PIK3R6: variants seen among roughly 807,000 people sequenced by gnomAD.
PIK3R6 encodes the protein phosphoinositide 3-kinase regulatory subunit 6.
Under a neutral mutation model 84.9 loss-of-function variants are expected in PIK3R6, and 91 were observed. The observed-to-expected ratio is 1.07, with a 90% CI of 0.90 to 1.28. The LOEUF (loss-of-function observed/expected upper bound fraction) is 1.28. PIK3R6 is among the 50% of genes most tolerant of loss of function. The pLI, the probability that PIK3R6 is intolerant of heterozygous loss-of-function variation, is 0.00. For missense variants in PIK3R6, 996 were observed against 985.1 expected (o/e 1.01, Z -0.15); for synonymous variants, 416 against 411.4 (o/e 1.01, Z -0.13).
intron 1 of PIK3R6, among the ~76,000 whole-genome samples, chr17:8,850,423 G>T (rs2088924381): frequency 6.6e-6 from 1 of 152,146 alleles, no homozygotes; most frequent in Non-Finnish European, 1.5e-5. Context: ...AGCTTATGAG[G>T]CAGGTTCTAT....
chr17:8,857,001 TC>T (rs1169623559), intron 1 of PIK3R6, among the ~76,000 whole-genome samples: 1 of 71,790 alleles, frequency 1.4e-5, no homozygotes, highest in African/African-American at 9.2e-5. Flanking sequence ...CCCCCAGCTT[TC>T]CCCACAGCTG....
At position 8,828,645 on chromosome 17, in the gene PIK3R6, C is replaced by T. The variant is rs1389787292; in HGVS notation, c.1235G>A (p.Arg412Gln). The T allele has an allele frequency of 1.2e-6, 2 of 1,613,040 alleles. No homozygotes were observed. The highest frequency in any genetic ancestry group is 1.7e-6 in the Non-Finnish European group (2 of 1,179,646). ...CACAAGTACCCGGGCTGTGTGCAGC[C>T]GGGACACGCCGGGCAGCATTTCCCC... ...GDGEMLPGVSRLHTARVLVLG... is the reference protein window; with the variant it reads ...GDGEMLPGVSQLHTARVLVLG... The change falls in exon 11 of 20, where the codon CGG becomes CAG. Residue 412 changes from arginine (R) to glutamine (Q), a missense_variant. Coordinates refer to ENST00000619866, the MANE Select transcript of PIK3R6 (RefSeq NM_001010855.4).
rs1466258984 is a variant in PIK3R6 at position 8,839,695 on chromosome 17, C to T, written c.16G>A (p.Val6Met). Reference protein sequence around the residue: MESSDVELDLQRSVQA... With the variant: MESSDMELDLQRSVQA... Reference sequence around the variant, plus strand: ...ACGCTCCTCTGGAGGTCCAGCTCCACATCTGGGCAGTGGTAGGGGTGGGAG... The same window carrying T: ...ACGCTCCTCTGGAGGTCCAGCTCCATATCTGGGCAGTGGTAGGGGTGGGAG... The change falls in exon 3 of 20, where the codon GTG becomes ATG. Residue 6 changes from valine to methionine, a missense_variant and splice_region_variant. Coordinates refer to ENST00000619866, the MANE Select transcript of PIK3R6 (RefSeq NM_001010855.4). This position sits in a 1 kb window ranked among gnomAD's most constrained non-coding sequence, Gnocchi z 4.2. The T allele has an allele frequency of 3.8e-6, 6 of 1,569,794 alleles. No individual in the cohort carries two copies. The Admixed American group carries it at 5.7e-5, about 15-fold the overall frequency.
chr17:8,817,239 T>C (rs1467964809), intron 18 of PIK3R6, among the ~76,000 whole-genome samples: 1 of 152,268 alleles, frequency 6.6e-6, no homozygotes, highest in African/African-American at 2.4e-5. Flanking sequence ...TGATTACACC[T>C]GAAAATGTTA....
At chr17:8,827,102 C>T in intron 13 of PIK3R6, 70 bp downstream of exon 13, 5 of 1,538,764 alleles carry the variant, frequency 3.2e-6, no homozygotes, top group Non-Finnish European at 4.4e-6. Flanking sequence ...TTGGGCTCCT[C>T]CGTTCTCCCC....
Position 8,844,749 on chromosome 17 carries a change from A to G in PIK3R6, c.13+5033T>C, listed in dbSNP as rs2088776638. On this transcript the variant is annotated intron_variant, in intron 2 of 19. Coordinates refer to ENST00000619866, the MANE Select transcript of PIK3R6 (RefSeq NM_001010855.4). The surrounding 1 kb of genome is among the most constrained non-coding windows in gnomAD (Gnocchi z 4.5). The stretch of plus-strand genomic sequence containing the variant: ...TCACCTAGGTACTATGAGTACTGTT[A>G]CTAATAATAGTACTACTCATATGAG... 6.6e-6 allele frequency among the ~76,000 whole-genome samples: 1 copy of G among 151,986 alleles called. No individual in the cohort carries two copies. The highest frequency in any genetic ancestry group is 6.6e-5 in the Admixed American group (1 of 15,260).
chr17:8,834,889 G>A (rs2088399361), intron 8 of PIK3R6, among the ~76,000 whole-genome samples: 1 of 152,024 alleles, frequency 6.6e-6, no homozygotes, highest in South Asian at 2.1e-4. Flanking sequence ...CCAGGCTGGA[G>A]TGCAGTGGCA....
rs779635029 is a variant in PIK3R6 at position 8,804,088 on chromosome 17, T to G, written c.2061A>C (p.Thr687=). ...GTTGATCGTCCTTGTCCAGCGACAG[T>G]GTCAGCAGCCTCTGGTCCCGGCTCT... The part of the protein sequence containing the change: ...QIQSRDQRLL[T]LSLDKDDQRT... The change falls in exon 19 of 20, where the codon ACA becomes ACC. Residue 687 remains threonine (T), a synonymous_variant. Coordinates refer to ENST00000619866, the MANE Select transcript of PIK3R6 (RefSeq NM_001010855.4). 19 of 1,613,904 alleles carry G rather than the reference T, an allele frequency of 1.2e-5. No homozygotes were observed. The highest frequency in any genetic ancestry group is 3.3e-5 in the Admixed American group (2 of 60,000).
At chr17:8,861,887 G>A (rs557617837) in intron 1 of PIK3R6, among the ~76,000 whole-genome samples, 17 of 152,324 alleles carry the variant, frequency 1.1e-4, no homozygotes, top group African/African-American at 3.6e-4. Flanking sequence ...AAAGAAAAAA[G>A]TCGTATGTTG....
chr17:8,828,828 T>G lies in PIK3R6; in HGVS notation c.1052A>C (p.Asp351Ala), dbSNP rs1414722206. 1 of 1,593,852 alleles carries G rather than the reference T, an allele frequency of 6.3e-7. No homozygotes were observed. Among genetic ancestry groups the G allele is most frequent in the South Asian group, 1.1e-5 (1 of 88,740 alleles). Residue 351 changes from aspartate to alanine, a missense_variant, in exon 11 of 20, where the codon GAT (aspartate) becomes GCT (alanine). Coordinates refer to ENST00000619866, the MANE Select transcript of PIK3R6 (RefSeq NM_001010855.4). Reference sequence around the variant, plus strand: ...AGGGCTGCCGGGTGCAGGCAGCTCATCAGCCCCCGTGGGAAGGTCCCGCTC... The same window carrying G: ...AGGGCTGCCGGGTGCAGGCAGCTCAGCAGCCCCCGTGGGAAGGTCCCGCTC... Reference protein sequence around the residue: ...GIERDLPTGADELPAPGSPEM... With the variant: ...GIERDLPTGAAELPAPGSPEM...
intron 7 of PIK3R6, 123 bp from the exon 8 acceptor site, chr17:8,835,579 GTC>G: frequency 1.2e-6 from 1 of 846,726 alleles, no homozygotes; most frequent in Non-Finnish European, 1.7e-6. Context: ...AAAAAGAGGA[GTC>G]TCAGATTCAA....
At chr17:8,813,461 A>G (rs976662732) in intron 18 of PIK3R6, among the ~76,000 whole-genome samples, 1 of 152,178 alleles carries the variant, frequency 6.6e-6, no homozygotes, top group African/African-American at 2.4e-5. Context: ...ACAACAAAAA[A>G]AACTATAGAC....
At chr17:8,830,626 C>T (rs1327901556) in intron 9 of PIK3R6, among the ~76,000 whole-genome samples, 2 of 152,206 alleles carry the variant, frequency 1.3e-5, no homozygotes, top group Non-Finnish European at 2.9e-5. Context: ...CCCTGGGCAA[C>T]AGGTGACATT....
Position 8,804,103 on chromosome 17 carries a change from G to C in PIK3R6, c.2046C>G (p.Asp682Glu). Residue 682 changes from aspartate to glutamate, a missense_variant, in exon 19 of 20, where the codon GAC becomes GAG. By Grantham distance (45) the Asp-to-Glu change is conservative. Coordinates refer to ENST00000619866, the MANE Select transcript of PIK3R6 (RefSeq NM_001010855.4). ...CCAGCGACAGTGTCAGCAGCCTCTG[G>C]TCCCGGCTCTGGATCTGGATATTGT... ...RTNNIQIQSRDQRLLTLSLDK... is the reference protein window; with the variant it reads ...RTNNIQIQSREQRLLTLSLDK... The C allele has an allele frequency of 1.5e-5, 25 of 1,614,020 alleles. No homozygotes were observed. Among genetic ancestry groups the C allele is most frequent in the Non-Finnish European group, 2.1e-5 (25 of 1,179,882 alleles).
chr17:8,846,822 C>T (rs1400289663), intron 2 of PIK3R6, among the ~76,000 whole-genome samples: 4 of 152,096 alleles, frequency 2.6e-5, no homozygotes, highest in Non-Finnish European at 4.4e-5. Flanking sequence ...ATTTCCCAAA[C>T]TCCCCTGCAG....
chr17:8,841,260 A>G (rs2088668911), intron 2 of PIK3R6, among the ~76,000 whole-genome samples: 1 of 152,084 alleles, frequency 6.6e-6, no homozygotes, highest in African/African-American at 2.4e-5. Context: ...TCTCTCCTTG[A>G]CCAAACCTTA....
intron 18 of PIK3R6, among the ~76,000 whole-genome samples, chr17:8,812,518 A>G (rs1319006260): frequency 6.6e-6 from 1 of 152,240 alleles, no homozygotes; most frequent in Non-Finnish European, 1.5e-5. Context: ...GGTGAGTCTC[A>G]ATAAATTTTT....
At chr17:8,864,481 T>C (rs1232149086) in intron 1 of PIK3R6, among the ~76,000 whole-genome samples, 3 of 151,470 alleles carry the variant, frequency 2.0e-5, no homozygotes, top group African/African-American at 7.3e-5. Flanking sequence ...CTAAGTTAAC[T>C]TATAACTAAC....
chr17:8,832,923 G>C lies in PIK3R6; in HGVS notation c.768C>G (p.Cys256Trp), dbSNP rs2088304889. Residue 256 changes from cysteine (C) to tryptophan (W), a missense_variant, in exon 9 of 20, where the codon TGC (cysteine) becomes TGG (tryptophan). Cys to Trp is a radical substitution (Grantham distance 215). Transcript: ENST00000619866. The stretch of plus-strand genomic sequence containing the variant: ...GCCCCGCCGCGGGACCCAGCAGCGA[G>C]CAGTAAATCTCCTCCAGCCTCTCTA... Reference protein sequence around the residue: ...GHVERLEEIYCSLLGPAAGRC... With the variant: ...GHVERLEEIYWSLLGPAAGRC... The C allele has an allele frequency of 6.2e-7, 1 of 1,612,772 alleles. No homozygotes were observed. The highest frequency in any genetic ancestry group is 1.3e-5 in the African/African-American group (1 of 74,940).
Sources: gnomAD v4.1 joint callset for allele counts (sites outside exome capture counted in the v4.1 genomes callset) on GRCh38, gnomAD v4.1.1 for gene constraint, Gnocchi (gnomAD v3.1) non-coding constraint, MANE v1.5 for transcripts, NCBI Gene and HGNC (gene_info 2026-07-23, HGNC 2026-07-21) for gene names.